Variants in GSE1 observed in about 807,000 individuals in gnomAD.
GSE1 encodes genetic suppressor element 1.
In GSE1, 32 loss-of-function variants were observed where a neutral mutation model predicts 112.6. That is an observed-to-expected ratio of 0.28 (90% CI 0.21 to 0.38). The LOEUF (loss-of-function observed/expected upper bound fraction) is 0.38, where lower values mean the gene tolerates loss of function less well. GSE1 is among the 10% of genes least tolerant of loss of function. The pLI is 1.00. For missense variants in GSE1, 2,348 were observed against 1,699.2 expected (o/e 1.38, Z -6.71); for synonymous variants, 1,115 against 735.6 (o/e 1.52, Z -8.35).
In GSE1 at chr16:85,319,475, G is replaced by C. The variant is rs147977051; in HGVS notation, c.2284-37988G>C. Among the ~76,000 whole-genome samples the C allele has an allele frequency of 7.9e-5, 12 of 152,068 alleles. No individual in the cohort carries two copies. In the East Asian group the frequency reaches 2.3e-3, roughly 29 times the overall value. On this transcript the variant is annotated intron_variant, in intron 1 of 2. Coordinates refer to the GSE1 transcript ENST00000637419. ...CGTCCTCACCCTTCCGTTCCAGCGG[G>C]AGTGGGTGGGGTGGCGAGCGTCGGG...
chr16:85,500,688 C>A (rs1479500159), intron 2 of GSE1, among the ~76,000 whole-genome samples: 1 of 152,244 alleles, frequency 6.6e-6, no homozygotes, highest in Admixed American at 6.5e-5. Flanking sequence ...CCCCCTCCCC[C>A]CATCAGTGTC....
intron 1 of GSE1, among the ~76,000 whole-genome samples, chr16:85,580,820 C>T (rs932504264): frequency 3.9e-5 from 6 of 152,254 alleles, no homozygotes; most frequent in South Asian, 4.1e-4. Flanking sequence ...CGTGAGCTCT[C>T]GGCCAGAAGG....
intron 12 of GSE1, 28 bp from the exon 13 acceptor site, chr16:85,665,948 A>G (rs2052817391): frequency 1.2e-6 from 2 of 1,610,048 alleles, no homozygotes; most frequent in Admixed American, 1.7e-5. Context: ...GCATTTCTTA[A>G]TATTTTCCTT....
chr16:85,634,011 T>C lies in GSE1; in HGVS notation c.105T>C (p.Asn35=), dbSNP rs755468132. Residue 35 remains asparagine, a synonymous_variant, in exon 2 of 16, where the codon AAT becomes AAC. Coordinates refer to ENST00000253458, the MANE Select transcript of GSE1 (RefSeq NM_014615.5). Reference sequence around the variant, plus strand: ...ACCCCCTCACCCCCTCGCCGCTCAATGGCGCCCTGGTGCCCAGCGGCAGCC... The same window carrying C: ...ACCCCCTCACCCCCTCGCCGCTCAACGGCGCCCTGGTGCCCAGCGGCAGCC... The part of the protein sequence containing the change: ...TVNPLTPSPL[N]GALVPSGSPA... 1 of 1,612,212 alleles carries C rather than the reference T, an allele frequency of 6.2e-7. No individual in the cohort carries two copies. Among genetic ancestry groups the C allele is most frequent in the South Asian group, 1.1e-5 (1 of 90,958 alleles).
chr16:85,631,428 C>G (rs1013648736), intron 1 of GSE1, among the ~76,000 whole-genome samples: 1 of 152,190 alleles, frequency 6.6e-6, no homozygotes, highest in Non-Finnish European at 1.5e-5. Context: ...TGTGTGGGCT[C>G]GTGGGCCCAG....
rs148345253 is a variant in GSE1, at chr16:85,286,515, C to G, written c.2284-70948C>G. Among the ~76,000 whole-genome samples, 127 of 152,286 alleles carry G rather than the reference C, an allele frequency of 8.3e-4. 1 individual carries two copies. The highest frequency in any genetic ancestry group is 2.9e-3 in the African/African-American group (122 of 41,564). ...GTCCGTTCCCACATGGGGAGACTTC[C>G]ATGTTAACAATAGGTTATTGTAGTG... On this transcript the variant is annotated intron_variant, in intron 1 of 2. Coordinates refer to the GSE1 transcript ENST00000637419.
chr16:85,392,748 G>C (rs181802486), intron 2 of GSE1, among the ~76,000 whole-genome samples: 9 of 152,336 alleles, frequency 5.9e-5, no homozygotes, highest in Non-Finnish European at 1.2e-4. Context: ...GCCAGGACTT[G>C]TGGAAGGGAC....
intron 1 of GSE1, among the ~76,000 whole-genome samples, chr16:85,319,953 T>C (rs2151496694): frequency 6.6e-6 from 1 of 152,346 alleles, no homozygotes; most frequent in South Asian, 2.1e-4. Flanking sequence ...GTCCCGGGCT[T>C]ACAACTGGCA....
chr16:85,425,378 A>G (rs1405208166), intron 2 of GSE1, among the ~76,000 whole-genome samples: 3 of 152,108 alleles, frequency 2.0e-5, no homozygotes, highest in Non-Finnish European at 1.5e-5. Flanking sequence ...TGCTGGACCC[A>G]GAGGCTTGGT....
At chr16:85,238,045 G>T (rs931222418) in intron 1 of GSE1, among the ~76,000 whole-genome samples, 3 of 152,148 alleles carry the variant, frequency 2.0e-5, no homozygotes, top group African/African-American at 7.2e-5. Flanking sequence ...CCCTGGGTAG[G>T]GGCAGTGGAG....
At chr16:85,423,362 T>C in intron 2 of GSE1, among the ~76,000 whole-genome samples, 1 of 152,186 alleles carries the variant, frequency 6.6e-6, no homozygotes, top group Non-Finnish European at 1.5e-5. Flanking sequence ...ACCCAGCTGC[T>C]GCTCTGCCGT....
At chr16:85,473,293 T>G (rs933380193) in intron 2 of GSE1, among the ~76,000 whole-genome samples, 4 of 151,908 alleles carry the variant, frequency 2.6e-5, no homozygotes, top group Admixed American at 2.0e-4. Flanking sequence ...AGGTGCAAAG[T>G]GCTGTGGAAA....
At chr16:85,649,993 G>A (rs1019403139) in intron 3 of GSE1, among the ~76,000 whole-genome samples, 3 of 152,156 alleles carry the variant, frequency 2.0e-5, no homozygotes, top group Non-Finnish European at 2.9e-5. Context: ...TGGGACCCCC[G>A]GGGCCTGACG....
chr16:85,237,364 C>T lies in GSE1; in HGVS notation c.2283+65557C>T, dbSNP rs1220590064. ...TAAATAAATAAAACAATAGAAATGGCATTAGAGCCCTACACCTGGTAGAGG... is the reference window on the plus strand; with the variant it reads ...TAAATAAATAAAACAATAGAAATGGTATTAGAGCCCTACACCTGGTAGAGG... On this transcript the variant is annotated intron_variant, in intron 1 of 2. Coordinates refer to the GSE1 transcript ENST00000637419. 3.3e-5 allele frequency among the ~76,000 whole-genome samples: 5 copies of T among 151,848 alleles called. No homozygotes were observed. The South Asian group carries it at 8.3e-4, about 25-fold the overall frequency.
chr16:85,277,304 G>A (rs1909464782), intron 1 of GSE1, among the ~76,000 whole-genome samples: 1 of 152,166 alleles, frequency 6.6e-6, no homozygotes, highest in East Asian at 1.9e-4. Context: ...CATTTTTTTT[G>A]CATGTGAGAG....
At chr16:85,202,730 C>G (rs768837308) in intron 1 of GSE1, among the ~76,000 whole-genome samples, 1 of 152,242 alleles carries the variant, frequency 6.6e-6, no homozygotes, top group Non-Finnish European at 1.5e-5. Context: ...CCAGGCCGAT[C>G]GCACCCAGCT....
At chr16:85,580,836 G>A (rs74376965) in intron 1 of GSE1, among the ~76,000 whole-genome samples, 55 of 152,388 alleles carry the variant, frequency 3.6e-4, no homozygotes, top group Admixed American at 6.5e-4. Context: ...GAAGGCAGCC[G>A]TCTGCAATCC....
In GSE1 at chr16:85,673,411, G is replaced by A. The variant is rs2053494877; in HGVS notation, c.*872G>A. The stretch of plus-strand genomic sequence containing the variant: ...AAAAAGCCTGCCATTTTTAATATGT[G>A]GTTTGGGGGATTTTTGTTTGTTTTT... On this transcript the variant is annotated 3_prime_UTR_variant, in exon 16 of 16. Transcript: ENST00000253458. The A allele has an allele frequency of 6.6e-6, 1 of 151,300 alleles. No individual in the cohort carries two copies. Among genetic ancestry groups the A allele is most frequent in the Non-Finnish European group, 1.5e-5 (1 of 67,860 alleles). The allele number at this position is 151,300 out of a possible 1,614,324, so 9.4% of individuals were successfully genotyped here. A position where few individuals can be genotyped will look rare whatever the true frequency, so the allele number is the denominator to read the frequency against.
intron 2 of GSE1, among the ~76,000 whole-genome samples, chr16:85,381,838 C>G (rs1239832030): frequency 6.6e-6 from 1 of 152,242 alleles, no homozygotes; most frequent in Non-Finnish European, 1.5e-5. Context: ...AGAAATGTCA[C>G]TGCAAAGCAA....
Sources: gnomAD v4.1 joint callset for allele counts (sites outside exome capture counted in the v4.1 genomes callset) on GRCh38, gnomAD v4.1.1 for gene constraint, MANE v1.5 for transcripts, NCBI Gene and HGNC (gene_info 2026-07-23, HGNC 2026-07-21) for gene names.